SMIM21: variants seen among roughly 807,000 people sequenced by gnomAD.
SMIM21 encodes the protein small integral membrane protein 21.
SMIM21 carries 8 observed loss-of-function variants against 8.6 expected under a neutral mutation model. The ratio of observed to expected loss-of-function variants is 0.93; its 90% CI spans 0.55 to 1.68. SMIM21 has a LOEUF of 1.68. SMIM21 is among the 40% of genes most tolerant of loss of function. SMIM21 has a pLI of 0.00. For synonymous variants in SMIM21, 43 were observed against 41.7 expected, an observed-to-expected ratio of 1.03 and a Z score of -0.12; for missense variants, 132 against 123.0, an observed-to-expected ratio of 1.07 and a Z score of -0.35.
intron 1 of SMIM21, among the ~76,000 whole-genome samples, chr18:75,425,902 G>A (rs2024756115): frequency 6.6e-6 from 1 of 152,166 alleles, no homozygotes; most frequent in Non-Finnish European, 1.5e-5. Flanking sequence ...TCCCTGAGGT[G>A]GGGGCCCCTG....
At chr18:75,421,105 C>T (rs965679625) in intron 1 of SMIM21, among the ~76,000 whole-genome samples, 10 of 152,182 alleles carry the variant, frequency 6.6e-5, no homozygotes, top group Admixed American at 2.0e-4. Flanking sequence ...GGGTTGATCG[C>T]GAAGCAGTTT....
At chr18:75,425,224 G>C (rs1448962067) in intron 1 of SMIM21, among the ~76,000 whole-genome samples, 1 of 152,172 alleles carries the variant, frequency 6.6e-6, no homozygotes, top group Non-Finnish European at 1.5e-5. Flanking sequence ...TCCATCCAGA[G>C]ATATCTGGAT....
At chr18:75,418,667 G>A in intron 2 of SMIM21, 119 bp downstream of exon 2, 1 of 1,006,690 alleles carries the variant, frequency 9.9e-7, no homozygotes, top group South Asian at 1.9e-5. Context: ...CTCCTAGGTG[G>A]CTACAGATTG....
At chr18:75,416,042 T>A (rs1053756601) in intron 2 of SMIM21, 1 of 152,248 alleles carries the variant, frequency 6.6e-6, no homozygotes, top group African/African-American at 2.4e-5. Flanking sequence ...TTTATTTTAT[T>A]TTTTGTTAGA....
Position 75,427,490 on chromosome 18 carries a change from G to C in SMIM21, c.74C>G (p.Ala25Gly). Reference sequence around the variant, plus strand: ...CCCCTTGAATATCCGTCCCATTCCTGCAGAGTCTTGTTTAAATGTTCCCAG... The same window carrying C: ...CCCCTTGAATATCCGTCCCATTCCTCCAGAGTCTTGTTTAAATGTTCCCAG... ...AQLGTFKQDS[A>G]GMGRIFKGNL... Residue 25 changes from alanine to glycine, a missense_variant, in exon 1 of 3, where the codon GCA becomes GGA. Transcript: ENST00000579022. The C allele has an allele frequency of 6.2e-7, 1 of 1,614,052 alleles. No individual in the cohort carries two copies. The highest frequency in any genetic ancestry group is 8.5e-7 in the Non-Finnish European group (1 of 1,179,976).
rs17057002 is a variant in SMIM21, at chr18:75,410,173, G to A, written c.*691C>T. On this transcript the variant is annotated 3_prime_UTR_variant, in exon 3 of 3. Transcript: ENST00000579022. Reference sequence around the variant, plus strand: ...ACTCATCTGCCTCGACTTGTTGCCCGTCTTCAGACAGTGCTCCATCCTAAA... The same window carrying A: ...ACTCATCTGCCTCGACTTGTTGCCCATCTTCAGACAGTGCTCCATCCTAAA... The A allele has an allele frequency of 0.15, 22,717 of 152,654 alleles. 1,964 individuals carry two copies. Among genetic ancestry groups the A allele is most frequent in the East Asian group, 0.44 (2,270 of 5,178 alleles). The allele number at this position is 152,654 out of a possible 1,614,324, so 9.5% of individuals were successfully genotyped here.
chr18:75,415,633 C>T (rs2024635950), intron 2 of SMIM21, among the ~76,000 whole-genome samples: 1 of 152,200 alleles, frequency 6.6e-6, no homozygotes, highest in Admixed American at 6.5e-5. Flanking sequence ...TCTGAGGGTC[C>T]TTTTCTTCCA....
chr18:75,422,241 G>A (rs2024717362), intron 1 of SMIM21, among the ~76,000 whole-genome samples: 1 of 152,162 alleles, frequency 6.6e-6, no homozygotes, highest in African/African-American at 2.4e-5. Context: ...GAGGGATATG[G>A]GGAAGCAGGG....
At chr18:75,426,867 C>G (rs2024770375) in intron 1 of SMIM21, among the ~76,000 whole-genome samples, 2 of 152,198 alleles carry the variant, frequency 1.3e-5, no homozygotes, top group South Asian at 4.2e-4. Context: ...TCATAAACTT[C>G]CTTTTCAGAA....
rs756958207 is a variant in SMIM21 at position 75,410,762 on chromosome 18, AATC to A, written c.*99_*101del. 1 of 1,562,828 alleles carries A rather than the reference AATC, an allele frequency of 6.4e-7. No individual in the cohort carries two copies. The highest frequency in any genetic ancestry group is 1.2e-5 in the South Asian group (1 of 82,356). ...GAGCTCCTTTTAAAAAGTGAGCAAT[AATC>A]TGCTATCTCTAAGCAATCTGATTTC... On this transcript the variant is annotated 3_prime_UTR_variant, in exon 3 of 3. Transcript: ENST00000579022.
At position 75,427,436 on chromosome 18, in the gene SMIM21, G is replaced by A. The variant is rs1375935791; in HGVS notation, c.128C>T (p.Thr43Ile). The A allele has an allele frequency of 6.8e-6, 11 of 1,613,676 alleles. No individual in the cohort carries two copies. Among genetic ancestry groups the A allele is most frequent in the Non-Finnish European group, 9.3e-6 (11 of 1,179,776 alleles). The change falls in exon 1 of 3, where the codon ACA (threonine) becomes ATA (isoleucine). Residue 43 changes from threonine to isoleucine, a missense_variant and splice_region_variant. Thr to Ile is a moderately conservative substitution (Grantham distance 89). Transcript: ENST00000579022. ...GNLLQKKALT[T>I]FENEHHIRFF... ...AAAGTTAAAGACCCATAAACTCACT[G>A]TGGTAAGTGCTTTCTTCTGCAGCAA...
Position 75,427,638 on chromosome 18 carries a change from A to G in SMIM21, c.-75T>C, listed in dbSNP as rs2144564127. The G allele has an allele frequency of 3.5e-6, 5 of 1,413,718 alleles. No individual in the cohort carries two copies. The highest frequency in any genetic ancestry group is 4.6e-6 in the Non-Finnish European group (5 of 1,076,166). 87.6% of individuals were successfully genotyped at this position (1,413,718 alleles called of 1,614,324 possible). On this transcript the variant is annotated 5_prime_UTR_variant, in exon 1 of 3. Coordinates refer to ENST00000579022, the MANE Select transcript of SMIM21 (RefSeq NM_001037331.3). ...TCTGAGGACACAGAGCTGGTGCTAT[A>G]AGACCTGGTAACTAAGTTCCCAAGG...
In SMIM21 at chr18:75,418,789, C is replaced by A. The variant is rs576078539; in HGVS notation, c.257G>T (p.Arg86Leu). ...EDWKRANSIF[R>L]NFLRLKSSRN... Reference sequence around the variant, plus strand: ...GCTAAGGTTATCGTTTACCTACTTTCGAAATATGCTGTTGGCCCTTTTCCA... The same window carrying A: ...GCTAAGGTTATCGTTTACCTACTTTAGAAATATGCTGTTGGCCCTTTTCCA... The change falls in exon 2 of 3, where the codon CGA (arginine) becomes CTA (leucine). Residue 86 changes from arginine (R) to leucine (L), a missense_variant. Physicochemically the swap from Arg to Leu is moderately radical, Grantham distance 102 (BLOSUM62 -2). Coordinates refer to ENST00000579022, the MANE Select transcript of SMIM21 (RefSeq NM_001037331.3). 1.9e-6 allele frequency: 3 copies of A among 1,601,968 alleles called. No homozygotes were observed. The highest frequency in any genetic ancestry group is 1.7e-5 in the Admixed American group (1 of 57,736).
intron 2 of SMIM21, 126 bp from the exon 3 acceptor site, chr18:75,411,035 A>G: frequency 7.4e-7 from 1 of 1,353,892 alleles, no homozygotes; most frequent in Non-Finnish European, 1.0e-6. Context: ...TTTCCCCCCA[A>G]GATTTTGGAG....
intron 1 of SMIM21, among the ~76,000 whole-genome samples, chr18:75,422,240 G>A (rs143931580): frequency 2.1e-4 from 32 of 152,130 alleles, no homozygotes; most frequent in African/African-American, 7.7e-4. Flanking sequence ...AGAGGGATAT[G>A]GGGAAGCAGG....
chr18:75,416,596 G>T (rs546988976), intron 2 of SMIM21: 1 of 152,066 alleles, frequency 6.6e-6, no homozygotes, highest in African/African-American at 2.4e-5. Flanking sequence ...AGTATTCTTT[G>T]GATTTTATTT....
Position 75,410,611 on chromosome 18 carries a change from G to A in SMIM21, c.*253C>T, listed in dbSNP as rs1374234328. 2.9e-5 allele frequency: 26 copies of A among 899,288 alleles called. No homozygotes were observed. Among genetic ancestry groups the A allele is most frequent in the African/African-American group, 2.0e-4 (12 of 58,884 alleles). The allele number at this position is 899,288 out of a possible 1,614,324, so 55.7% of individuals were successfully genotyped here. A position where few individuals can be genotyped will look rare whatever the true frequency, so the allele number is the denominator to read the frequency against. ...TGTTTCGACACGCAGGGCAGATTTCGCAGGGTTGGGTGGCATCTGCAGCTC... is the reference window on the plus strand; with the variant it reads ...TGTTTCGACACGCAGGGCAGATTTCACAGGGTTGGGTGGCATCTGCAGCTC... On this transcript the variant is annotated 3_prime_UTR_variant, in exon 3 of 3. Coordinates refer to ENST00000579022, the MANE Select transcript of SMIM21 (RefSeq NM_001037331.3).
chr18:75,411,997 T>G (rs2024589753), intron 2 of SMIM21, among the ~76,000 whole-genome samples: 1 of 152,166 alleles, frequency 6.6e-6, no homozygotes, highest in Admixed American at 6.5e-5. Flanking sequence ...TAGATGAAGG[T>G]GACAGTGGCT....
chr18:75,424,792 A>G (rs1264835838), intron 1 of SMIM21, among the ~76,000 whole-genome samples: 1 of 152,220 alleles, frequency 6.6e-6, no homozygotes, highest in African/African-American at 2.4e-5. Flanking sequence ...CACTAATGTG[A>G]CACTGTGTGT....
Sources: allele counts gnomAD v4.1 joint callset (sites outside exome capture counted in the v4.1 genomes callset), GRCh38; gene constraint gnomAD v4.1.1; transcripts MANE v1.5; gene names NCBI Gene and HGNC (gene_info 2026-07-23, HGNC 2026-07-21).